The following OSCP1 variants were observed in gnomAD, a reference collection of about 807,000 sequenced individuals.
OSCP1 encodes the protein organic solute carrier partner 1.
Under a neutral mutation model 45.1 loss-of-function variants are expected in OSCP1, and 35 were observed. That is an observed-to-expected ratio of 0.78 (90% CI 0.59 to 1.03). The LOEUF (loss-of-function observed/expected upper bound fraction) is 1.03, where lower values mean the gene tolerates loss of function less well. Among genes scored for constraint, OSCP1 ranks in the 50% least tolerant of loss-of-function variants. The pLI, the probability that OSCP1 is intolerant of heterozygous loss-of-function variation, is 0.00. For synonymous variants in OSCP1, 179 were observed against 180.1 expected (o/e 0.99, Z 0.05); for missense variants, 400 against 470.7 (o/e 0.85, Z 1.39).
In OSCP1 at chr1:36,422,173, T is replaced by G. The variant is rs751718991; in HGVS notation, c.796A>C (p.Lys266Gln). ...ACCTGGGTCCATGAGGCTAAGTTCT[T>G]TGATGATCCAGACACATGAGTTTCC... is the stretch of plus-strand genomic sequence containing the variant. The part of the protein sequence containing the change: ...PVETHVSGSS[K>Q]NLASWTQESI... The change falls in exon 7 of 10, where the codon AAG (lysine) becomes CAG (glutamine). Residue 266 changes from lysine to glutamine, a missense_variant. Lys to Gln is a moderately conservative substitution (Grantham distance 53, BLOSUM62 1). Transcript: ENST00000235532. 1 of 1,614,160 alleles carries G rather than the reference T, an allele frequency of 6.2e-7. No homozygotes were observed. Among genetic ancestry groups the G allele is most frequent in the Non-Finnish European group, 8.5e-7 (1 of 1,180,008 alleles).
intron 1 of OSCP1, among the ~76,000 whole-genome samples, chr1:36,442,598 C>A (rs959316559): frequency 5.1e-4 from 78 of 152,118 alleles, no homozygotes; most frequent in African/African-American, 1.7e-3. Context: ...TGAAAGCAAT[C>A]AAGTTTTTAC....
At chr1:36,427,298 C>CTTTTTTTTTTTTTT (rs1215755284) in intron 4 of OSCP1, among the ~76,000 whole-genome samples, 1 of 40,080 alleles carries the variant, frequency 2.5e-5, no homozygotes, top group African/African-American at 1.4e-4. Context: ...TGGCGCCTGG[C>CTTTTTTTTTTTTTT]CTTTTTTTTT....
In OSCP1 at chr1:36,417,917, A is replaced by C. The variant is rs1393257203; in HGVS notation, c.*222T>G. 2.4e-6 allele frequency: 1 copy of C among 423,286 alleles called. No homozygotes were observed. Among genetic ancestry groups the C allele is most frequent in the Non-Finnish European group, 4.2e-6 (1 of 238,770 alleles). The allele number at this position is 423,286 out of a possible 1,614,324, so 26.2% of individuals were successfully genotyped here. On this transcript the variant is annotated 3_prime_UTR_variant, in exon 10 of 10. Coordinates refer to ENST00000235532, the MANE Select transcript of OSCP1 (RefSeq NM_145047.5). ...TAAAATGGGAAAGGTCAAGTTTAAA[A>C]GTCAGAATATATTTCACTGAAAATA...
chr1:36,439,179 T>A (rs1443694329), intron 1 of OSCP1, among the ~76,000 whole-genome samples: 1 of 152,244 alleles, frequency 6.6e-6, no homozygotes, highest in Admixed American at 6.5e-5. Flanking sequence ...ACTCCTTATA[T>A]AAATATTATC....
intron 1 of OSCP1, among the ~76,000 whole-genome samples, chr1:36,439,868 A>G (rs1035084765): frequency 2.6e-5 from 4 of 152,216 alleles, no homozygotes; most frequent in Non-Finnish European, 5.9e-5. Flanking sequence ...ATTCATCTAG[A>G]TATTTTGCAC....
intron 1 of OSCP1, among the ~76,000 whole-genome samples, chr1:36,443,450 G>A (rs894631884): frequency 6.6e-6 from 1 of 152,186 alleles, no homozygotes; most frequent in Admixed American, 6.5e-5. Flanking sequence ...AACTTTTTCA[G>A]GTTTCCTGCT....
intron 4 of OSCP1, among the ~76,000 whole-genome samples, chr1:36,429,663 C>T (rs998923583): frequency 3.3e-5 from 5 of 150,086 alleles, no homozygotes; most frequent in South Asian, 2.1e-4. Flanking sequence ...TATAGGCATG[C>T]GCCACCATGC....
chr1:36,428,528 C>A, intron 4 of OSCP1: 2 of 1,533,414 alleles, frequency 1.3e-6, no homozygotes, highest in South Asian at 1.3e-5. Flanking sequence ...TTCAGTTAAT[C>A]CAACAAAATT....
At chr1:36,433,967 G>C (rs1314353137) in intron 2 of OSCP1, among the ~76,000 whole-genome samples, 1 of 152,178 alleles carries the variant, frequency 6.6e-6, no homozygotes, top group South Asian at 2.1e-4. Flanking sequence ...GGAAGATCAC[G>C]CGATATTTAG....
At chr1:36,423,953 T>A (rs1397572283) in intron 4 of OSCP1, among the ~76,000 whole-genome samples, 1 of 67,190 alleles carries the variant, frequency 1.5e-5, no homozygotes, top group Non-Finnish European at 4.2e-5. Context: ...AACAGAACTA[T>A]TTTTTTTTTT....
At chr1:36,431,743 AG>A (rs1370000972) in intron 4 of OSCP1, 58 bp downstream of exon 4, 12 of 1,544,216 alleles carry the variant, frequency 7.8e-6, no homozygotes, top group Admixed American at 1.8e-5. Flanking sequence ...CATGACTACC[AG>A]GGTTGTTTCC....
intron 7 of OSCP1, among the ~76,000 whole-genome samples, chr1:36,421,561 C>T (rs953741053): frequency 4.6e-5 from 7 of 152,178 alleles, no homozygotes; most frequent in African/African-American, 1.2e-4. Context: ...TTGTTTCTTT[C>T]ACCGTCTTTC....
intron 4 of OSCP1, chr1:36,428,404 G>T (rs1648127024): frequency 6.2e-7 from 1 of 1,613,964 alleles, no homozygotes; most frequent in Admixed American, 1.7e-5. Flanking sequence ...CCTCCATATA[G>T]TTCCCCACTC....
At chr1:36,435,230 G>T (rs1405716172) in intron 2 of OSCP1, among the ~76,000 whole-genome samples, 1 of 151,630 alleles carries the variant, frequency 6.6e-6, no homozygotes, top group Non-Finnish European at 1.5e-5. Flanking sequence ...GAGTAGCTGG[G>T]ACTACAGTTG....
chr1:36,430,997 G>A (rs1648328894), intron 4 of OSCP1, among the ~76,000 whole-genome samples: 1 of 152,238 alleles, frequency 6.6e-6, no homozygotes, highest in Admixed American at 6.5e-5. Context: ...GATCAGGGAA[G>A]GGGAATCAAA....
At chr1:36,440,308 G>A (rs1649045373) in intron 1 of OSCP1, among the ~76,000 whole-genome samples, 1 of 152,172 alleles carries the variant, frequency 6.6e-6, no homozygotes, top group Non-Finnish European at 1.5e-5. Flanking sequence ...ATTTTATGGG[G>A]GAAGGGGGAG....
At position 36,423,411 on chromosome 1, in the gene OSCP1, G is replaced by A. The variant is rs1005351722; in HGVS notation, c.572C>T (p.Pro191Leu). 2 of 1,613,660 alleles carry A rather than the reference G, an allele frequency of 1.2e-6. No homozygotes were observed. Among genetic ancestry groups the A allele is most frequent in the South Asian group, 1.1e-5 (1 of 91,040 alleles). The change falls in exon 5 of 10, where the codon CCG becomes CTG. Residue 191 changes from proline to leucine, a missense_variant. Pro to Leu is a moderately conservative substitution (Grantham distance 98, BLOSUM62 -3). Transcript: ENST00000235532. Reference protein sequence around the residue: ...VQNNNGRFVLPVSGPVPWGTE... With the variant: ...VQNNNGRFVLLVSGPVPWGTE... ...TCCCCAAGGAACAGGCCCGGACACCGGCAACACAAAGCGACCGTTATTATT... is the reference window on the plus strand; with the variant it reads ...TCCCCAAGGAACAGGCCCGGACACCAGCAACACAAAGCGACCGTTATTATT...
chr1:36,444,784 A>G (rs1046249704), intron 1 of OSCP1, among the ~76,000 whole-genome samples: 3 of 152,210 alleles, frequency 2.0e-5, no homozygotes, highest in Non-Finnish European at 4.4e-5. Flanking sequence ...TACTGGCTAT[A>G]TAAACTTCAA....
chr1:36,446,681 C>T (rs188222104), intron 1 of OSCP1, among the ~76,000 whole-genome samples: 8 of 150,862 alleles, frequency 5.3e-5, no homozygotes, highest in African/African-American at 1.5e-4. Context: ...CAGAGCTAGT[C>T]GTTAAACTGG....
Sources: allele counts gnomAD v4.1 joint callset (sites outside exome capture counted in the v4.1 genomes callset), GRCh38; gene constraint gnomAD v4.1.1; transcripts MANE v1.5; gene names NCBI Gene and HGNC (gene_info 2026-07-23, HGNC 2026-07-21).